Variants in SORL1 observed in about 807,000 individuals in gnomAD.
SORL1 encodes the protein sortilin related receptor 1.
A neutral mutation model predicts 273.7 loss-of-function variants in SORL1; 127 were observed. The observed-to-expected ratio is 0.46, with a 90% CI of 0.40 to 0.54. SORL1 has a LOEUF of 0.54. Among genes scored for constraint, SORL1 ranks in the 20% least tolerant of loss-of-function variants. SORL1 has a pLI of 0.00. For missense variants in SORL1, 2,494 were observed against 2,846.1 expected (o/e 0.88, Z 2.81); for synonymous variants, 1,031 against 1,067.4 (o/e 0.97, Z 0.66).
chr11:121,620,028 C>A, intron 43 of SORL1, 111 bp downstream of exon 43: 1 of 845,138 alleles, frequency 1.2e-6, no homozygotes, highest in South Asian at 1.6e-5. Flanking sequence ...TGGTTTCTGG[C>A]GCTCAGCAGG....
intron 25 of SORL1, among the ~76,000 whole-genome samples, chr11:121,582,380 A>G (rs1307743824): frequency 6.6e-6 from 1 of 152,250 alleles, no homozygotes; most frequent in Non-Finnish European, 1.5e-5. Context: ...TCCTCTCCAC[A>G]CAGTTAAACT....
At chr11:121,505,808 T>C (rs918486165) in intron 6 of SORL1, among the ~76,000 whole-genome samples, 3 of 152,152 alleles carry the variant, frequency 2.0e-5, no homozygotes, top group Admixed American at 6.5e-5. Context: ...CTTTATATGG[T>C]TTCAGTTCTT....
At chr11:121,480,588 G>A (rs77546227) in intron 3 of SORL1, among the ~76,000 whole-genome samples, 1 of 144,576 alleles carries the variant, frequency 6.9e-6, no homozygotes. Flanking sequence ...CCTATAGGCA[G>A]GCTCCATCTC....
At chr11:121,481,950 C>T (rs1377064969) in intron 3 of SORL1, among the ~76,000 whole-genome samples, 1 of 150,710 alleles carries the variant, frequency 6.6e-6, no homozygotes, top group Non-Finnish European at 1.5e-5. Context: ...CTCCTCCTCC[C>T]GAGCTCCTCC....
At chr11:121,553,551 C>T (rs1287045261) in intron 16 of SORL1, among the ~76,000 whole-genome samples, 1 of 152,160 alleles carries the variant, frequency 6.6e-6, no homozygotes, top group East Asian at 1.9e-4. Flanking sequence ...GATGATGATG[C>T]TGTGGTGATA....
intron 5 of SORL1, among the ~76,000 whole-genome samples, chr11:121,493,882 C>A (rs1469214402): frequency 6.6e-6 from 1 of 152,048 alleles, no homozygotes; most frequent in East Asian, 1.9e-4. Flanking sequence ...TACAGCTGAC[C>A]ATCATCAGAC....
At chr11:121,521,538 G>A (rs1349416638) in intron 9 of SORL1, among the ~76,000 whole-genome samples, 1 of 152,134 alleles carries the variant, frequency 6.6e-6, no homozygotes, top group African/African-American at 2.4e-5. Flanking sequence ...TCAGCTTTAG[G>A]TATAGGTTTC....
At chr11:121,463,356 A>G (rs1338516602) in intron 1 of SORL1, among the ~76,000 whole-genome samples, 1 of 152,176 alleles carries the variant, frequency 6.6e-6, no homozygotes, top group Non-Finnish European at 1.5e-5. Flanking sequence ...CCCCTCCCAA[A>G]ACAGCAAAGC....
intron 12 of SORL1, among the ~76,000 whole-genome samples, chr11:121,537,502 G>C (rs919166290): frequency 6.6e-6 from 1 of 152,146 alleles, no homozygotes; most frequent in African/African-American, 2.4e-5. Flanking sequence ...TTGCAGGGCT[G>C]TATATTAAAT....
At chr11:121,599,593 T>C (rs112542364) in intron 32 of SORL1, among the ~76,000 whole-genome samples, 2 of 152,318 alleles carry the variant, frequency 1.3e-5, no homozygotes, top group African/African-American at 4.8e-5. Flanking sequence ...GATATTTTAA[T>C]CTCCTTGGTT....
intron 1 of SORL1, among the ~76,000 whole-genome samples, chr11:121,467,570 T>A (rs566435926): frequency 6.6e-6 from 1 of 152,108 alleles, no homozygotes; most frequent in Non-Finnish European, 1.5e-5. Context: ...AGTCCTTTAT[T>A]GTATTGACAT....
At chr11:121,502,287 C>T (rs1055911236) in intron 6 of SORL1, among the ~76,000 whole-genome samples, 4 of 151,652 alleles carry the variant, frequency 2.6e-5, no homozygotes, top group South Asian at 4.2e-4. Flanking sequence ...AGGTGCCCGC[C>T]GCCACACCTG....
chr11:121,505,004 G>A (rs987818936), intron 6 of SORL1, among the ~76,000 whole-genome samples: 16 of 152,142 alleles, frequency 1.1e-4, no homozygotes, highest in Middle Eastern at 3.4e-3. Context: ...TACACTGATG[G>A]ATCTTTCTCA....
chr11:121,622,559 C>A (rs111756328), intron 45 of SORL1, among the ~76,000 whole-genome samples: 1 of 152,178 alleles, frequency 6.6e-6, no homozygotes, highest in Non-Finnish European at 1.5e-5. Flanking sequence ...CTGTGCTTCC[C>A]GCAGAAGCTG....
At chr11:121,473,890 G>T (rs564358444) in intron 2 of SORL1, among the ~76,000 whole-genome samples, 1 of 151,378 alleles carries the variant, frequency 6.6e-6, no homozygotes, top group Non-Finnish European at 1.5e-5. Context: ...GTGAGACCCT[G>T]TCTCAAAAAA....
In SORL1 at chr11:121,612,842, T is replaced by G; in HGVS notation, c.5419+10T>G. 9 of 1,596,422 alleles carry G rather than the reference T, an allele frequency of 5.6e-6. No individual in the cohort carries two copies. Among genetic ancestry groups the G allele is most frequent in the Non-Finnish European group, 7.7e-6 (9 of 1,164,042 alleles). ...ATATTGTCACACAAAGGTAACACTT[T>G]GGTGCTGGTCAGTGTGTGTGCAGGA... On this transcript the variant is annotated intron_variant, in intron 40 of 47. Coordinates refer to ENST00000260197, the MANE Select transcript of SORL1 (RefSeq NM_003105.6).
intron 22 of SORL1, among the ~76,000 whole-genome samples, chr11:121,568,864 G>T (rs1018147739): frequency 6.6e-6 from 1 of 152,130 alleles, no homozygotes; most frequent in East Asian, 1.9e-4. Context: ...AACTAAAAGA[G>T]GAAAGCAAGA....
chr11:121,522,428 G>A (rs1262487041), intron 9 of SORL1, among the ~76,000 whole-genome samples, 158 bp from the exon 10 acceptor site: 1 of 152,166 alleles, frequency 6.6e-6, no homozygotes, highest in Non-Finnish European at 1.5e-5. Flanking sequence ...TCTCTGTCTG[G>A]GGGGTGTGGG....
intron 7 of SORL1, among the ~76,000 whole-genome samples, chr11:121,513,836 C>A (rs759481352): frequency 5.3e-5 from 8 of 152,190 alleles, no homozygotes; most frequent in Admixed American, 2.0e-4. Flanking sequence ...GTACTTTGTA[C>A]GAATGAAAGT....
Sources: gnomAD v4.1 joint callset for allele counts (sites outside exome capture counted in the v4.1 genomes callset) on GRCh38, gnomAD v4.1.1 for gene constraint, MANE v1.5 for transcripts, NCBI Gene and HGNC (gene_info 2026-07-23, HGNC 2026-07-21) for gene names.